ABCA13: variants seen among roughly 807,000 people sequenced by gnomAD.
The protein encoded by ABCA13 is ATP binding cassette subfamily A member 13.
Under a neutral mutation model 478.7 loss-of-function variants are expected in ABCA13, and 476 were observed. The observed-to-expected ratio is 0.99, with a 90% confidence interval of 0.92 to 1.07. ABCA13 has a LOEUF of 1.07. ABCA13 is among the 50% of genes least tolerant of loss of function. The pLI is 0.00. For synonymous variants in ABCA13, 2,252 were observed against 2,158.9 expected (o/e 1.04, Z -1.20); for missense variants, 6,060 against 5,910.6 (o/e 1.03, Z -0.83).
chr7:48,567,960 T>A (rs1787244691), intron 55 of ABCA13, among the ~76,000 whole-genome samples: 1 of 152,146 alleles, frequency 6.6e-6, no homozygotes, highest in South Asian at 2.1e-4. Flanking sequence ...CGTATATGAA[T>A]GAAATTGCCT....
At chr7:48,522,878 C>T (rs955525800) in intron 53 of ABCA13, among the ~76,000 whole-genome samples, 4 of 152,110 alleles carry the variant, frequency 2.6e-5, no homozygotes, top group Non-Finnish European at 5.9e-5. Flanking sequence ...TACTACTCTG[C>T]CAGGCAGGAG....
chr7:48,289,723 C>T (rs1386704802), intron 20 of ABCA13, among the ~76,000 whole-genome samples: 2 of 152,170 alleles, frequency 1.3e-5, no homozygotes, highest in African/African-American at 4.8e-5. Flanking sequence ...GAGACTCCAG[C>T]TTTCAGAGCA....
intron 53 of ABCA13, among the ~76,000 whole-genome samples, chr7:48,523,545 T>G (rs1832697753): frequency 6.6e-6 from 1 of 151,860 alleles, no homozygotes; most frequent in African/African-American, 2.4e-5. Flanking sequence ...AACTCAGTCG[T>G]TATCATTAAA....
At chr7:48,239,833 A>C (rs894029533) in intron 9 of ABCA13, among the ~76,000 whole-genome samples, 1 of 152,248 alleles carries the variant, frequency 6.6e-6, no homozygotes, top group African/African-American at 2.4e-5. Flanking sequence ...GTGCACAAAC[A>C]GTGACTGTGA....
Position 48,310,115 on chromosome 7 carries a change from T to G in ABCA13, c.9490T>G (p.Leu3164Val). 1 of 1,612,328 alleles carries G rather than the reference T, an allele frequency of 6.2e-7. No homozygotes were observed. Among genetic ancestry groups the G allele is most frequent in the Non-Finnish European group, 8.5e-7 (1 of 1,178,768 alleles). ...YSLIVLLSRN[L>V]DVRAFIYKTL... The stretch of plus-strand genomic sequence containing the variant: ...TCTGATTGTGTTGCTGAGTCGAAAC[T>G]TGGATGTGCGAGCTTTCATTTACAA... The change falls in exon 24 of 62, where the codon TTG becomes GTG. Residue 3164 changes from leucine to valine, a missense_variant. This residue lies in a region of ABCA13 where 4,423 missense variants were observed against 4,309.1 expected (regional missense o/e 1.03). Coordinates refer to ENST00000435803, the MANE Select transcript of ABCA13 (RefSeq NM_152701.5).
intron 39 of ABCA13, chr7:48,404,161 C>T (rs1817972088): frequency 2.7e-6 from 1 of 369,004 alleles, no homozygotes; most frequent in African/African-American, 2.1e-5. Flanking sequence ...AAATTGTCTT[C>T]TTCTGGAAGC....
chr7:48,509,007 G>A (rs910138583), intron 50 of ABCA13, among the ~76,000 whole-genome samples: 1 of 152,060 alleles, frequency 6.6e-6, no homozygotes, highest in Non-Finnish European at 1.5e-5. Context: ...TTAATCAGAG[G>A]TTTCCCTGAA....
chr7:48,511,553 G>T (rs1050959644), intron 51 of ABCA13, among the ~76,000 whole-genome samples: 1 of 152,104 alleles, frequency 6.6e-6, no homozygotes, highest in African/African-American at 2.4e-5. Flanking sequence ...ATTTGTGGAG[G>T]TTCTCTCAGC....
chr7:48,520,247 TCTC>T lies in ABCA13; in HGVS notation c.14008_14010del (p.Leu4671del). On this transcript the variant is annotated inframe_deletion, in exon 53 of 62. Coordinates refer to ENST00000435803, the MANE Select transcript of ABCA13 (RefSeq NM_152701.5). ...AACTGGCCTCGCAGGGCACAGTACTTCTCCTCTTGAGGGTTCTGCTACACTGGG... is the reference window on the plus strand; with the variant it reads ...AACTGGCCTCGCAGGGCACAGTACTTCTCTTGAGGGTTCTGCTACACTGGG... 1 of 1,613,504 alleles carries T rather than the reference TCTC, an allele frequency of 6.2e-7. No individual in the cohort carries two copies. Among genetic ancestry groups the T allele is most frequent in the Non-Finnish European group, 8.5e-7 (1 of 1,179,696 alleles).
At chr7:48,625,933 A>G (rs1025114465) in intron 59 of ABCA13, among the ~76,000 whole-genome samples, 4 of 152,210 alleles carry the variant, frequency 2.6e-5, no homozygotes, top group African/African-American at 9.7e-5. Flanking sequence ...TTATTGAGTA[A>G]CCACTTAATT....
intron 55 of ABCA13, among the ~76,000 whole-genome samples, chr7:48,538,636 A>G (rs945768949): frequency 6.6e-6 from 1 of 152,188 alleles, no homozygotes; most frequent in African/African-American, 2.4e-5. Flanking sequence ...AACTTAATGT[A>G]TTATTAAAGG....
chr7:48,600,951 C>G (rs987212110), intron 58 of ABCA13, among the ~76,000 whole-genome samples: 4 of 152,026 alleles, frequency 2.6e-5, no homozygotes, highest in Admixed American at 2.0e-4. Flanking sequence ...TTTTGGTCTT[C>G]CATTACGTGT....
chr7:48,504,548 T>G (rs1831038484), intron 48 of ABCA13, among the ~76,000 whole-genome samples: 1 of 152,112 alleles, frequency 6.6e-6, no homozygotes, highest in Non-Finnish European at 1.5e-5. Flanking sequence ...AGGGTGTGTG[T>G]GTGTATATTT....
intron 41 of ABCA13, among the ~76,000 whole-genome samples, chr7:48,416,640 C>T (rs1016263821): frequency 3.9e-5 from 6 of 152,090 alleles, no homozygotes; most frequent in African/African-American, 1.4e-4. Flanking sequence ...GGAGGATCCC[C>T]AGTCGGAGAG....
rs192830997 is a variant in ABCA13, at chr7:48,403,958, T to A, written c.12070+79T>A. 5.0e-4 allele frequency: 743 copies of A among 1,481,826 alleles called. 8 individuals carry two copies. The South Asian group carries it at 7.8e-3, about 15-fold the overall frequency. 91.8% of individuals were successfully genotyped at this position (1,481,826 alleles called of 1,614,324 possible). Reference sequence around the variant, plus strand: ...AATGCATTGCTACTGTACAGTAGAATCAAGTTGTATCCCAGTGAGGCTACA... The same window carrying A: ...AATGCATTGCTACTGTACAGTAGAAACAAGTTGTATCCCAGTGAGGCTACA... On this transcript the variant is annotated intron_variant, in intron 39 of 61. Coordinates refer to ENST00000435803, the MANE Select transcript of ABCA13 (RefSeq NM_152701.5).
intron 54 of ABCA13, among the ~76,000 whole-genome samples, chr7:48,527,214 G>C (rs1297233888): frequency 2.0e-5 from 3 of 152,134 alleles, no homozygotes; most frequent in African/African-American, 7.2e-5. Context: ...GGTAGGCCTG[G>C]GGGAGACGGA....
Position 48,273,155 on chromosome 7 carries a change from A to C in ABCA13, c.3489A>C (p.Gln1163His), listed in dbSNP as rs376485242. The change falls in exon 17 of 62, where the codon CAA (glutamine) becomes CAC (histidine). Residue 1163 changes from glutamine to histidine, a missense_variant. Physicochemically the swap from Gln to His is conservative, Grantham distance 24 (BLOSUM62 0). This residue lies in a region of ABCA13 where 4,423 missense variants were observed against 4,309.1 expected (regional missense o/e 1.03). Coordinates refer to ENST00000435803, the MANE Select transcript of ABCA13 (RefSeq NM_152701.5). ...MWTEIWETIS[Q>H]LFKFDMNVFT... The stretch of plus-strand genomic sequence containing the variant: ...CTGAAATCTGGGAAACCATATCTCA[A>C]TTATTTAAGTTTGACATGAATGTTT... 3 of 1,613,652 alleles carry C rather than the reference A, an allele frequency of 1.9e-6. No homozygotes were observed.
intron 14 of ABCA13, 145 bp downstream of exon 14, chr7:48,248,589 A>G (rs2128688458): frequency 1.5e-6 from 1 of 677,238 alleles, no homozygotes; most frequent in Admixed American, 3.4e-5. Flanking sequence ...ATATTAACCT[A>G]CTGGTACTGT....
At chr7:48,213,350 A>G (rs1350074366) in intron 3 of ABCA13, among the ~76,000 whole-genome samples, 1 of 152,246 alleles carries the variant, frequency 6.6e-6, no homozygotes, top group East Asian at 1.9e-4. Flanking sequence ...ATTGCATATA[A>G]AAGTTATGTT....
Sources: allele counts gnomAD v4.1 joint callset (sites outside exome capture counted in the v4.1 genomes callset), GRCh38; gene constraint gnomAD v4.1.1; regional missense constraint gnomAD v4.1.1; transcripts MANE v1.5; gene names NCBI Gene and HGNC (gene_info 2026-07-23, HGNC 2026-07-21).